DMD: variants seen among roughly 807,000 people sequenced by gnomAD.
DMD encodes dystrophin, also known as mutant dystrophin.
DMD carries 63 observed loss-of-function variants against 330.1 expected under a neutral mutation model. That is an observed-to-expected ratio of 0.19 (90% confidence interval 0.16 to 0.24). DMD has a LOEUF of 0.24. Among genes scored for constraint, DMD ranks in the 10% least tolerant of loss-of-function variants. The probability of loss-of-function intolerance (pLI) is 1.00; values close to 1 mark genes in which losing one functional copy is unlikely to be tolerated. For synonymous variants in DMD, 1,223 were observed against 959.8 expected (o/e 1.27, Z -5.07); for missense variants, 3,344 against 2,684.1 (o/e 1.25, Z -5.43).
chrX:31,561,456 C>T (rs1230180847), intron 55 of DMD, among the ~76,000 whole-genome samples: 1 of 111,938 alleles, frequency 8.9e-6, no homozygotes, highest in Non-Finnish European at 1.9e-5. Flanking sequence ...GTGCCTTAAG[C>T]ACCACCCTTC....
chrX:33,093,626 T>C (rs1172562914), intron 1 of DMD, among the ~76,000 whole-genome samples: 1 of 111,817 alleles, frequency 8.9e-6, no homozygotes, highest in African/African-American at 3.2e-5. Context: ...AAGCAAAAAC[T>C]GACAAATTAG....
intron 44 of DMD, among the ~76,000 whole-genome samples, chrX:32,007,084 G>A (rs1457381542): frequency 1.4e-5 from 1 of 70,297 alleles, no homozygotes; most frequent in African/African-American, 5.3e-5. Flanking sequence ...GGGGGGAGGG[G>A]GGGAGGGATA....
At chrX:32,464,475 A>T (rs2098394512) in intron 24 of DMD, 111 bp downstream of exon 24, 3 of 579,176 alleles carry the variant, frequency 5.2e-6, no homozygotes, top group Non-Finnish European at 8.7e-6. Context: ...CATTAAAAAA[A>T]ATCCACTGGG....
intron 17 of DMD, among the ~76,000 whole-genome samples, chrX:32,541,251 C>T (rs758065980): frequency 1.8e-5 from 2 of 110,453 alleles, no homozygotes; most frequent in Non-Finnish European, 3.8e-5. Flanking sequence ...AGATGACTAC[C>T]ATCTCCATCA....
intron 52 of DMD, among the ~76,000 whole-genome samples, chrX:31,700,995 C>T (rs2148863553): frequency 8.9e-6 from 1 of 111,797 alleles, no homozygotes; most frequent in South Asian, 3.7e-4. Context: ...ACTAACAACT[C>T]AAAAGTGTTC....
At chrX:32,751,212 G>C (rs942105746) in intron 7 of DMD, among the ~76,000 whole-genome samples, 2 of 111,391 alleles carry the variant, frequency 1.8e-5, no homozygotes, top group African/African-American at 6.5e-5. Flanking sequence ...GCAACAGTTT[G>C]AGAGCTCAGA....
At chrX:32,831,215 T>C (rs1473424751) in intron 4 of DMD, among the ~76,000 whole-genome samples, 1 of 111,038 alleles carries the variant, frequency 9.0e-6, no homozygotes, top group Non-Finnish European at 1.9e-5. Context: ...TTTTCTTTTA[T>C]CCCACTTTCC....
At chrX:31,910,277 T>C (rs1461164715) in intron 47 of DMD, among the ~76,000 whole-genome samples, 1 of 109,908 alleles carries the variant, frequency 9.1e-6, no homozygotes, top group Non-Finnish European at 1.9e-5. Flanking sequence ...AATCCTTTAG[T>C]ATGTACCACA....
chrX:33,022,767 A>G (rs2093937531), intron 1 of DMD, among the ~76,000 whole-genome samples: 1 of 111,569 alleles, frequency 9.0e-6, no homozygotes, highest in South Asian at 3.7e-4. Flanking sequence ...TTGACCAGAT[A>G]TCTATCATTT....
intron 18 of DMD, among the ~76,000 whole-genome samples, chrX:32,507,591 C>T (rs2044756560): frequency 9.0e-6 from 1 of 111,307 alleles, no homozygotes; most frequent in Non-Finnish European, 1.9e-5. Context: ...CAGTAACAAC[C>T]ACCACAACTA....
chrX:32,949,342 G>GTAGATAGATAGATAGATAGA (rs1193558967), intron 2 of DMD, among the ~76,000 whole-genome samples: 1 of 91,530 alleles, frequency 1.1e-5, no homozygotes, highest in Admixed American at 1.3e-4. Flanking sequence ...AGGTAGGTAG[G>GTAGATAGATAGATAGATAGA]TAGATAGATA....
chrX:32,104,050 G>C (rs148309867), intron 44 of DMD, among the ~76,000 whole-genome samples: 7 of 110,557 alleles, frequency 6.3e-5, no homozygotes, highest in Non-Finnish European at 1.1e-4. Context: ...GCTTGGGAGT[G>C]GGGGAGTGGG....
chrX:32,020,370 T>G (rs6628670), intron 44 of DMD, among the ~76,000 whole-genome samples: 4 of 111,714 alleles, frequency 3.6e-5, no homozygotes, highest in Admixed American at 9.5e-5. Flanking sequence ...GTTTAGTTAA[T>G]TAAAGACCAT....
At chrX:31,160,980 TA>T (rs2038741996) in intron 74 of DMD, among the ~76,000 whole-genome samples, 1 of 111,603 alleles carries the variant, frequency 9.0e-6, no homozygotes, top group African/African-American at 3.3e-5. Context: ...ATACAGGTCC[TA>T]TTACTTGCTG....
At chrX:31,323,255 A>G (rs1278164659) in intron 62 of DMD, among the ~76,000 whole-genome samples, 1 of 111,901 alleles carries the variant, frequency 8.9e-6, no homozygotes, top group East Asian at 2.8e-4. Context: ...GAAATGTGAG[A>G]AAACCCCTAA....
intron 1 of DMD, among the ~76,000 whole-genome samples, chrX:33,192,575 T>G (rs138061497): frequency 0.014 from 1,536 of 112,235 alleles, 28 homozygotes; most frequent in African/African-American, 0.047. Context: ...AAATGAGTAT[T>G]GTTTAGACAT....
intron 15 of DMD, among the ~76,000 whole-genome samples, chrX:32,566,506 A>G (rs180928580): frequency 2.3e-4 from 26 of 112,856 alleles, no homozygotes; most frequent in African/African-American, 8.3e-4. Context: ...TGGTTATTTG[A>G]GTAATTATTT....
intron 50 of DMD, among the ~76,000 whole-genome samples, chrX:31,799,764 A>T (rs2091979620): frequency 8.9e-6 from 1 of 112,321 alleles, no homozygotes; most frequent in Admixed American, 9.4e-5. Flanking sequence ...AATCCAAAAC[A>T]AGTTAGTTAC....
chrX:33,218,213 T>C (rs1365175591), intron 1 of DMD, among the ~76,000 whole-genome samples: 2 of 111,746 alleles, frequency 1.8e-5, no homozygotes, highest in Non-Finnish European at 3.8e-5. Context: ...TATTCTTCTT[T>C]AGCTTCTTAA....
Sources: gnomAD v4.1 joint callset for allele counts (sites outside exome capture counted in the v4.1 genomes callset) on GRCh38, gnomAD v4.1.1 for gene constraint, MANE v1.5 for transcripts, NCBI Gene and HGNC (gene_info 2026-07-23, HGNC 2026-07-21) for gene names.